The following ANO3 variants were observed in gnomAD, a reference collection of about 807,000 sequenced individuals.
ANO3 encodes the protein anoctamin-3.
In ANO3, 99 loss-of-function variants were observed where a neutral mutation model predicts 144.8. The ratio of observed to expected loss-of-function variants is 0.68; its 90% CI spans 0.58 to 0.81. ANO3 has a LOEUF of 0.81. ANO3 is among the 30% of genes least tolerant of loss of function. ANO3 has a pLI of 0.00. For synonymous variants in ANO3, 414 were observed against 392.6 expected, an observed-to-expected ratio of 1.05 and a Z score of -0.64; for missense variants, 905 against 1,202.2, an observed-to-expected ratio of 0.75 and a Z score of 3.66.
intron 17 of ANO3, among the ~76,000 whole-genome samples, chr11:26,615,501 G>A (rs1852232981): frequency 6.6e-6 from 1 of 150,900 alleles, no homozygotes; most frequent in East Asian, 1.9e-4. Flanking sequence ...TACTTGACCT[G>A]TGTAACGCTG....
chr11:26,527,923 G>A (rs1849206775), intron 7 of ANO3, among the ~76,000 whole-genome samples: 1 of 152,156 alleles, frequency 6.6e-6, no homozygotes, highest in Non-Finnish European at 1.5e-5. Context: ...TGCTTTCACA[G>A]CTGTTTTGGC....
chr11:26,422,326 A>C (rs1219434715), intron 1 of ANO3, among the ~76,000 whole-genome samples: 1 of 151,990 alleles, frequency 6.6e-6, no homozygotes, highest in Non-Finnish European at 1.5e-5. Context: ...TATCAGCAGA[A>C]AGCCCATTGA....
chr11:26,299,267 A>G (rs1174273855), intron 1 of ANO3, among the ~76,000 whole-genome samples: 2 of 152,194 alleles, frequency 1.3e-5, no homozygotes, highest in East Asian at 1.9e-4. Flanking sequence ...ATCAAGGAGG[A>G]AAGTGTGATT....
intron 16 of ANO3, 99 bp from the exon 17 acceptor site, chr11:26,599,451 C>G (rs1851730722): frequency 8.3e-7 from 1 of 1,207,256 alleles, no homozygotes; most frequent in African/African-American, 1.5e-5. Flanking sequence ...AAGGTAAATA[C>G]CTTCAATTCT....
At chr11:26,397,104 G>T (rs1423897477) in intron 1 of ANO3, among the ~76,000 whole-genome samples, 1 of 151,918 alleles carries the variant, frequency 6.6e-6, no homozygotes, top group Middle Eastern at 3.2e-3. Flanking sequence ...GGACATTTAG[G>T]TGCAGCTATT....
intron 4 of ANO3, among the ~76,000 whole-genome samples, chr11:26,487,319 G>C (rs1860491966): frequency 1.3e-5 from 2 of 152,288 alleles, no homozygotes; most frequent in South Asian, 4.1e-4. Flanking sequence ...TCTTGCTGCT[G>C]TCATGTAAGA....
intron 1 of ANO3, among the ~76,000 whole-genome samples, chr11:26,215,992 T>C (rs1251611990): frequency 1.3e-5 from 2 of 152,032 alleles, no homozygotes; most frequent in African/African-American, 4.8e-5. Context: ...GTTTTTTATA[T>C]TCTTTTTGCC....
intron 4 of ANO3, among the ~76,000 whole-genome samples, chr11:26,490,632 G>T (rs1860667719): frequency 6.6e-6 from 1 of 152,192 alleles, no homozygotes; most frequent in African/African-American, 2.4e-5. Context: ...ACAGAGAAAT[G>T]AAGGTAGAAT....
chr11:26,598,539 C>T, intron 15 of ANO3, 92 bp downstream of exon 15: 1 of 883,598 alleles, frequency 1.1e-6, no homozygotes, highest in East Asian at 2.6e-5. Context: ...AAGCAGTTAA[C>T]CACCATTAGA....
At chr11:26,243,779 C>G (rs926672825) in intron 1 of ANO3, among the ~76,000 whole-genome samples, 7 of 152,034 alleles carry the variant, frequency 4.6e-5, no homozygotes, top group African/African-American at 1.2e-4. Flanking sequence ...TGGCCACATT[C>G]CAGAGATTCT....
intron 3 of ANO3, among the ~76,000 whole-genome samples, chr11:26,461,865 A>T (rs1859408546): frequency 6.6e-6 from 1 of 152,010 alleles, no homozygotes; most frequent in Non-Finnish European, 1.5e-5. Context: ...ATACAGGTAA[A>T]GTTTCTAGCT....
At chr11:26,582,370 C>G (rs1851157657) in intron 14 of ANO3, among the ~76,000 whole-genome samples, 1 of 152,150 alleles carries the variant, frequency 6.6e-6, no homozygotes, top group Non-Finnish European at 1.5e-5. Context: ...TATTAGGGCT[C>G]TAGTACTGGC....
intron 1 of ANO3, among the ~76,000 whole-genome samples, chr11:26,439,040 T>G (rs536697843): frequency 4.6e-5 from 7 of 151,378 alleles, no homozygotes; most frequent in African/African-American, 1.7e-4. Context: ...CATAAATTTG[T>G]GGATAATTGA....
chr11:26,312,562 T>C (rs912649981), intron 1 of ANO3, among the ~76,000 whole-genome samples: 6 of 152,224 alleles, frequency 3.9e-5, no homozygotes, highest in African/African-American at 1.4e-4. Context: ...TGGTATCTCA[T>C]TATGGTTTTG....
intron 14 of ANO3, among the ~76,000 whole-genome samples, chr11:26,572,726 T>C (rs181581374): frequency 1.3e-5 from 2 of 152,196 alleles, no homozygotes; most frequent in East Asian, 3.9e-4. Flanking sequence ...GTAGCATATA[T>C]TGGGATCCCT....
chr11:26,420,370 T>C (rs1259993783), intron 1 of ANO3, among the ~76,000 whole-genome samples: 1 of 152,070 alleles, frequency 6.6e-6, no homozygotes, highest in Non-Finnish European at 1.5e-5. Context: ...TTGTAATAGG[T>C]AATCTCCATT....
At chr11:26,334,489 G>A (rs2133891789) in intron 1 of ANO3, among the ~76,000 whole-genome samples, 1 of 152,306 alleles carries the variant, frequency 6.6e-6, no homozygotes, top group Middle Eastern at 3.4e-3. Context: ...CATTAAAATG[G>A]AGAAAATTCT....
chr11:26,564,724 CACACACACATATATATATATATATATAT>C (rs1161675247), intron 14 of ANO3, among the ~76,000 whole-genome samples: 123 of 57,350 alleles, frequency 2.1e-3, no homozygotes, highest in South Asian at 3.6e-3. Flanking sequence ...CACACACACA[CACACACACATATATATATATATATATAT>C]ATATATATAT....
At chr11:26,560,675 T>G (rs61877023) in intron 14 of ANO3, 2,422 of 156,902 alleles carry the variant, frequency 0.015, 48 homozygotes, top group Non-Finnish European at 0.019. Flanking sequence ...ATTATGGTAC[T>G]AGGGCTTCAG....
Sources: allele counts gnomAD v4.1 joint callset (sites outside exome capture counted in the v4.1 genomes callset), GRCh38; gene constraint gnomAD v4.1.1; transcripts MANE v1.5; gene names NCBI Gene and HGNC (gene_info 2026-07-23, HGNC 2026-07-21).